The following SLC25A13 variants were observed in gnomAD, a reference collection of about 807,000 sequenced individuals.
The protein encoded by SLC25A13 is electrogenic aspartate/glutamate antiporter SLC25A13, mitochondrial.
Under a neutral mutation model 85.5 loss-of-function variants are expected in SLC25A13, and 70 were observed. The observed-to-expected ratio is 0.82, with a 90% CI of 0.68 to 1.00. The LOEUF (loss-of-function observed/expected upper bound fraction) is 1.00. SLC25A13 is among the 50% of genes least tolerant of loss of function. The pLI, the probability that SLC25A13 is intolerant of heterozygous loss-of-function variation, is 0.00. For missense variants in SLC25A13, 765 were observed against 819.8 expected (o/e 0.93, Z 0.82); for synonymous variants, 259 against 288.7 (o/e 0.90, Z 1.04).
chr7:96,279,964 C>T (rs1025438051), intron 2 of SLC25A13, among the ~76,000 whole-genome samples: 1 of 152,112 alleles, frequency 6.6e-6, no homozygotes, highest in African/African-American at 2.4e-5. Flanking sequence ...GACAAAATGG[C>T]TCCATCTGCA....
chr7:96,296,304 T>C (rs144093196), intron 2 of SLC25A13, among the ~76,000 whole-genome samples: 2 of 152,206 alleles, frequency 1.3e-5, no homozygotes, highest in East Asian at 1.9e-4. Flanking sequence ...GGGTCAATCC[T>C]GGAAAGGTAA....
At chr7:96,184,823 A>AAAGAC (rs1794562380) in intron 10 of SLC25A13, 104 bp downstream of exon 10, 1 of 1,013,780 alleles carries the variant, frequency 9.9e-7, no homozygotes, top group Admixed American at 1.8e-5. Context: ...TGGCATTGGG[A>AAAGAC]AAGACTAGAG....
At chr7:96,130,056 T>C (rs935278568) in intron 15 of SLC25A13, among the ~76,000 whole-genome samples, 3 of 152,134 alleles carry the variant, frequency 2.0e-5, no homozygotes, top group African/African-American at 7.2e-5. Flanking sequence ...TTATAATGAG[T>C]AATATTAGTT....
chr7:96,193,535 T>G (rs1305370320), intron 5 of SLC25A13, among the ~76,000 whole-genome samples: 1 of 152,236 alleles, frequency 6.6e-6, no homozygotes, highest in Non-Finnish European at 1.5e-5. Flanking sequence ...GCAGATGATC[T>G]GAGGAAAAAC....
chr7:96,284,784 A>T (rs1584565016), intron 2 of SLC25A13, among the ~76,000 whole-genome samples: 1 of 152,212 alleles, frequency 6.6e-6, no homozygotes, highest in South Asian at 2.1e-4. Context: ...TTTGTTTCTC[A>T]TTCGCCTTCC....
chr7:96,185,984 G>A (rs1165619117), intron 9 of SLC25A13, among the ~76,000 whole-genome samples: 1 of 152,098 alleles, frequency 6.6e-6, no homozygotes, highest in African/African-American at 2.4e-5. Flanking sequence ...GCAGGTTTTT[G>A]GTTTGTATGT....
chr7:96,189,334 T>C lies in SLC25A13; in HGVS notation c.893A>G (p.Glu298Gly). The change falls in exon 9 of 18, where the codon GAG (glutamate) becomes GGG (glycine). Residue 298 changes from glutamate (E) to glycine (G), a missense_variant. Glu to Gly is a moderately conservative substitution (Grantham distance 98). Transcript: ENST00000265631. ...ADIERIAPLE[E>G]GTLPFNLAEA... ...AGCCAAGTTAAAGGGCAGAGTTCCC[T>C]CTTCCAGAGGAGCAATCCGTTCAAT... The C allele has an allele frequency of 6.2e-7, 1 of 1,614,168 alleles. No individual in the cohort carries two copies. Among genetic ancestry groups the C allele is most frequent in the Non-Finnish European group, 8.5e-7 (1 of 1,180,024 alleles).
intron 15 of SLC25A13, 48 bp from the exon 16 acceptor site, chr7:96,122,045 T>C: frequency 3.7e-6 from 6 of 1,610,866 alleles, no homozygotes; most frequent in Non-Finnish European, 5.1e-6. Flanking sequence ...ATTCTCACTA[T>C]ATAAAAATAA....
At chr7:96,145,264 C>T (rs1279348913) in intron 14 of SLC25A13, among the ~76,000 whole-genome samples, 3 of 152,146 alleles carry the variant, frequency 2.0e-5, no homozygotes, top group African/African-American at 7.2e-5. Flanking sequence ...TCAATCTTCA[C>T]AAAGTCTCAG....
At position 96,136,959 on chromosome 7, in the gene SLC25A13, C is replaced by T. The variant is rs1371295799; in HGVS notation, c.1453-5078G>A. 2.6e-5 allele frequency among the ~76,000 whole-genome samples: 4 copies of T among 152,206 alleles called. No homozygotes were observed. The South Asian group carries it at 8.3e-4, about 32-fold the overall frequency. On this transcript the variant is annotated intron_variant, in intron 14 of 17. Transcript: ENST00000265631. ...CCTGTCGTCAGAGCCACCCAGCCCT[C>T]TTTTCCTACCTTACAGGTTTAGAAT...
chr7:96,218,630 AG>A (rs1245777322), intron 4 of SLC25A13, among the ~76,000 whole-genome samples: 2 of 152,230 alleles, frequency 1.3e-5, no homozygotes, highest in Non-Finnish European at 2.9e-5. Flanking sequence ...TCTATGAAAA[AG>A]AGTTTCTCAT....
intron 14 of SLC25A13, among the ~76,000 whole-genome samples, chr7:96,141,259 A>G (rs570950599): frequency 4.0e-4 from 61 of 152,198 alleles, no homozygotes; most frequent in African/African-American, 1.4e-3. Flanking sequence ...AATTCCTGGC[A>G]TTAAGAGATT....
chr7:96,277,419 T>C (rs552983041), intron 2 of SLC25A13, 81 bp from the exon 3 acceptor site: 53 of 1,340,386 alleles, frequency 4.0e-5, no homozygotes, highest in Admixed American at 7.6e-5. Context: ...TGTGAAAAAG[T>C]TGAAAATATC....
intron 13 of SLC25A13, among the ~76,000 whole-genome samples, chr7:96,162,409 C>T (rs1285415034): frequency 1.3e-5 from 2 of 151,870 alleles, no homozygotes; most frequent in African/African-American, 4.8e-5. Context: ...CAAAACAGTA[C>T]AAGAAAGGTT....
At chr7:96,170,289 T>C (rs778501652) in intron 12 of SLC25A13, among the ~76,000 whole-genome samples, 164 bp from the exon 13 acceptor site, 3 of 152,210 alleles carry the variant, frequency 2.0e-5, no homozygotes, top group Non-Finnish European at 2.9e-5. Context: ...AGAAGTACTC[T>C]TAATAGTATA....
In SLC25A13 at chr7:96,164,711, T is replaced by TACACACACACACACACACACACACACAC. The variant is rs56377235; in HGVS notation, c.1311+5306_1311+5333dup. On this transcript the variant is annotated intron_variant, in intron 13 of 17. Transcript: ENST00000265631. ...CTATGATTTTCAAAAGGATTAACTT[T>TACACACACACACACACACACACACACAC]ACACACACACACACACACACACACA... 7.4e-4 allele frequency among the ~76,000 whole-genome samples: 106 copies of TACACACACACACACACACACACACACAC among 143,140 alleles called. 1 individual carries two copies. Among genetic ancestry groups the TACACACACACACACACACACACACACAC allele is most frequent in the African/African-American group, 2.6e-3 (101 of 38,650 alleles). 93.9% of individuals were successfully genotyped at this position (143,140 alleles called of 152,430 possible).
intron 2 of SLC25A13, among the ~76,000 whole-genome samples, chr7:96,279,378 C>A (rs747833538): frequency 1.2e-4 from 18 of 152,138 alleles, no homozygotes; most frequent in Non-Finnish European, 2.5e-4. Flanking sequence ...ATACCTGCGA[C>A]TGGGTAATTT....
At chr7:96,231,784 C>G (rs1172003471) in intron 4 of SLC25A13, among the ~76,000 whole-genome samples, 1 of 150,878 alleles carries the variant, frequency 6.6e-6, no homozygotes, top group African/African-American at 2.4e-5. Flanking sequence ...TTCAAAAGAA[C>G]ACATATACGC....
chr7:96,160,210 A>C (rs1388297744), intron 13 of SLC25A13, among the ~76,000 whole-genome samples: 1 of 152,226 alleles, frequency 6.6e-6, no homozygotes, highest in African/African-American at 2.4e-5. Flanking sequence ...AAGATGGCCC[A>C]ATATTTGAAC....
Sources: allele counts gnomAD v4.1 joint callset (sites outside exome capture counted in the v4.1 genomes callset), GRCh38; gene constraint gnomAD v4.1.1; transcripts MANE v1.5; gene names NCBI Gene and HGNC (gene_info 2026-07-23, HGNC 2026-07-21).